Variants in ARHGEF16 observed in about 807,000 individuals in gnomAD.
ARHGEF16 encodes Rho guanine exchange factor (GEF) 16.
A neutral mutation model predicts 74.1 loss-of-function variants in ARHGEF16; 59 were observed. That is an observed-to-expected ratio of 0.80 (90% CI 0.65 to 0.99). The LOEUF (loss-of-function observed/expected upper bound fraction) is 0.99. Ranked by LOEUF, ARHGEF16 falls within the 50% of genes least tolerant of loss-of-function variation. ARHGEF16 has a pLI of 0.00. For missense variants in ARHGEF16, 948 were observed against 986.6 expected (o/e 0.96, Z 0.52); for synonymous variants, 415 against 412.6 (o/e 1.01, Z -0.07).
In ARHGEF16 at chr1:3,469,451, ACGT is replaced by A. The variant is rs1557692167; in HGVS notation, c.883_885del (p.Ser295del). The A allele has an allele frequency of 1.2e-6, 2 of 1,612,962 alleles. No individual in the cohort carries two copies. Among genetic ancestry groups the A allele is most frequent in the Non-Finnish European group, 1.7e-6 (2 of 1,179,962 alleles). On this transcript the variant is annotated inframe_deletion, in exon 6 of 15. Coordinates refer to ENST00000378378, the MANE Select transcript of ARHGEF16 (RefSeq NM_014448.4). ...TCCACAGGCCATGTTCGAGATCCTC[ACGT>A]CGGAGTTCTCCTACCAGCACAGCCT...
intron 10 of ARHGEF16, among the ~76,000 whole-genome samples, chr1:3,477,010 CCT>C (rs911050886): frequency 1.3e-5 from 2 of 152,044 alleles, no homozygotes; most frequent in South Asian, 2.1e-4. Context: ...CTGGTCCACC[CCT>C]GAGTGGGGCT....
intron 1 of ARHGEF16, among the ~76,000 whole-genome samples, chr1:3,462,508 G>A (rs1465587511): frequency 6.6e-6 from 1 of 152,206 alleles, no homozygotes; most frequent in Non-Finnish European, 1.5e-5. Context: ...CCCCAATGAG[G>A]CAGAGGCTGT....
At chr1:3,480,153 C>G (rs1344455303) in intron 14 of ARHGEF16, among the ~76,000 whole-genome samples, 1 of 152,216 alleles carries the variant, frequency 6.6e-6, no homozygotes, top group East Asian at 1.9e-4. Context: ...CAGGGGATCC[C>G]CGCTCAGCCA....
intron 11 of ARHGEF16, 36 bp downstream of exon 11, chr1:3,478,062 T>A: frequency 6.2e-7 from 1 of 1,612,014 alleles, no homozygotes. Flanking sequence ...GGAGCCCCAC[T>A]CCATGGACAC....
Position 3,463,280 on chromosome 1 carries a change from G to A in ARHGEF16, c.196G>A (p.Glu66Lys), listed in dbSNP as rs565613511. Residue 66 changes from glutamate (E) to lysine (K), a missense_variant, in exon 2 of 15, where the codon GAG (glutamate) becomes AAG (lysine). By Grantham distance (56) the Glu-to-Lys change is moderately conservative. Coordinates refer to ENST00000378378, the MANE Select transcript of ARHGEF16 (RefSeq NM_014448.4). ...CCCACAGCCTCGGCCCCCGGGGCAC[G>A]AGGAGCCATGGCCCATCGTCCTGAG... The part of the protein sequence containing the change: ...APPQPRPPGH[E>K]EPWPIVLSTE... 41 of 1,549,958 alleles carry A rather than the reference G, an allele frequency of 2.6e-5. No individual in the cohort carries two copies. The East Asian group carries it at 5.9e-4, about 22-fold the overall frequency.
In ARHGEF16 at chr1:3,479,891, C is replaced by T. The variant is rs752733906; in HGVS notation, c.1968C>T (p.Val656=). The part of the protein sequence containing the change: ...DEVTLQQADV[V]LVLQQEDGWL... The stretch of plus-strand genomic sequence containing the variant: ...TCACACTGCAGCAGGCGGACGTGGT[C>T]CTGGTTCTGCAGCAGGAGGATGGTG... The change falls in exon 14 of 15, where the codon GTC becomes GTT. Residue 656 remains valine, a synonymous_variant. Coordinates refer to ENST00000378378, the MANE Select transcript of ARHGEF16 (RefSeq NM_014448.4). The T allele has an allele frequency of 1.1e-5, 17 of 1,612,110 alleles. No homozygotes were observed. Among genetic ancestry groups the T allele is most frequent in the Non-Finnish European group, 1.4e-5 (16 of 1,179,888 alleles).
intron 2 of ARHGEF16, among the ~76,000 whole-genome samples, chr1:3,463,931 C>T (rs1436011635): frequency 6.6e-6 from 1 of 152,238 alleles, no homozygotes; most frequent in Non-Finnish European, 1.5e-5. Context: ...CCGCTCCCAG[C>T]CTTGGTGGAG....
At position 3,476,035 on chromosome 1, in the gene ARHGEF16, C is replaced by A; in HGVS notation, c.1446C>A (p.His482Gln). The A allele has an allele frequency of 6.4e-7, 1 of 1,555,612 alleles. No individual in the cohort carries two copies. Among genetic ancestry groups the A allele is most frequent in the Non-Finnish European group, 8.7e-7 (1 of 1,149,622 alleles). The change falls in exon 10 of 15, where the codon CAC becomes CAA. Residue 482 changes from histidine to glutamine, a missense_variant. By Grantham distance (24) the His-to-Gln change is conservative. Transcript: ENST00000378378. ...GCATGGAGCAGATGTACACGCTGCACACACAGCTGGACTTCAGCAAGGTCA... is the reference window on the plus strand; with the variant it reads ...GCATGGAGCAGATGTACACGCTGCAAACACAGCTGGACTTCAGCAAGGTCA... ...MERMEQMYTLHTQLDFSKVKS... is the reference protein window; with the variant it reads ...MERMEQMYTLQTQLDFSKVKS...
intron 11 of ARHGEF16, 60 bp downstream of exon 11, chr1:3,478,086 C>T: frequency 6.2e-7 from 1 of 1,608,146 alleles, no homozygotes; most frequent in African/African-American, 1.3e-5. Flanking sequence ...ACCGCTGGCC[C>T]TGGGGCAGGA....
In ARHGEF16 at chr1:3,463,634, CCCAG is replaced by C. The variant is rs1639464949; in HGVS notation, c.557_560del (p.Gln186LeufsTer38). On this transcript the variant is annotated frameshift_variant, in exon 2 of 15. Coordinates refer to ENST00000378378, the MANE Select transcript of ARHGEF16 (RefSeq NM_014448.4). LOFTEE classifies it high-confidence loss of function. ...TAAGCTCCAGGCTCTGGCTGAGGAA[CCCAG>C]CCAGCCTCATACTCGGAGCCCGGCC... 23 of 1,423,680 alleles carry C rather than the reference CCCAG, an allele frequency of 1.6e-5. No individual in the cohort carries two copies. Among genetic ancestry groups the C allele is most frequent in the Non-Finnish European group, 1.8e-5 (20 of 1,083,178 alleles). 88.2% of individuals were successfully genotyped at this position (1,423,680 alleles called of 1,614,324 possible).
chr1:3,455,838 C>T (rs937214761), intron 1 of ARHGEF16, among the ~76,000 whole-genome samples: 2 of 152,104 alleles, frequency 1.3e-5, no homozygotes, highest in African/African-American at 4.8e-5. Flanking sequence ...TTTCCTCATC[C>T]GTAAAATGGG....
chr1:3,466,343 G>A, intron 3 of ARHGEF16, 150 bp downstream of exon 3: 1 of 833,526 alleles, frequency 1.2e-6, no homozygotes, highest in Non-Finnish European at 1.8e-6. Context: ...AGGTCCCAGT[G>A]GCTGGTCTGT....
chr1:3,464,605 G>A (rs1299571393), intron 2 of ARHGEF16, among the ~76,000 whole-genome samples: 2 of 152,162 alleles, frequency 1.3e-5, no homozygotes, highest in African/African-American at 4.8e-5. Context: ...CCTTCTTGTT[G>A]GGCGCCTTGC....
In ARHGEF16 at chr1:3,469,424, T is replaced by C. The variant is rs1639641004; in HGVS notation, c.862-9T>C. On this transcript the variant is annotated splice_polypyrimidine_tract_variant and intron_variant, in intron 5 of 14. Transcript: ENST00000378378. ...TCACTGTGGGGCTCACCTAGGCCCC[T>C]CTCCACAGGCCATGTTCGAGATCCT... 2 of 1,612,578 alleles carry C rather than the reference T, an allele frequency of 1.2e-6. No individual in the cohort carries two copies. The highest frequency in any genetic ancestry group is 1.7e-6 in the Non-Finnish European group (2 of 1,179,820).
chr1:3,471,916 G>C (rs757101053), intron 6 of ARHGEF16: 4 of 803,270 alleles, frequency 5.0e-6, no homozygotes, highest in Non-Finnish European at 1.5e-6. Flanking sequence ...TCCAGCAACC[G>C]AGGCCTCCCA....
intron 8 of ARHGEF16, 118 bp from the exon 9 acceptor site, chr1:3,474,590 C>T (rs1639830204): frequency 2.2e-6 from 2 of 904,966 alleles, no homozygotes; most frequent in South Asian, 1.5e-5. Flanking sequence ...CCTGCAGGAG[C>T]CCCCTGGGGG....
intron 1 of ARHGEF16, among the ~76,000 whole-genome samples, chr1:3,457,840 T>TATACCATA (rs1639301691): frequency 6.6e-6 from 1 of 152,118 alleles, no homozygotes; most frequent in South Asian, 2.1e-4. Context: ...CTATATGTGT[T>TATACCATA]GGGGATACCA....
intron 11 of ARHGEF16, 37 bp from the exon 12 acceptor site, chr1:3,478,387 G>A (rs1381804753): frequency 6.4e-7 from 1 of 1,558,734 alleles, no homozygotes; most frequent in Non-Finnish European, 8.7e-7. Context: ...GTAGGAGCTG[G>A]GTGGGACCGT....
rs541630364 is a variant in ARHGEF16 at position 3,457,064 on chromosome 1, G to A, written c.-20+2253G>A. Among the ~76,000 whole-genome samples the A allele has an allele frequency of 5.3e-5, 8 of 152,368 alleles. No individual in the cohort carries two copies. The South Asian group carries it at 8.3e-4, about 16-fold the overall frequency. On this transcript the variant is annotated intron_variant, in intron 1 of 14. Coordinates refer to ENST00000378378, the MANE Select transcript of ARHGEF16 (RefSeq NM_014448.4). ...CTGACTACCAGCAGTGTCCCCAGACGTTGGCAAATGTGCCCTGGGGGCCAA... is the reference window on the plus strand; with the variant it reads ...CTGACTACCAGCAGTGTCCCCAGACATTGGCAAATGTGCCCTGGGGGCCAA...
Sources: gnomAD v4.1 joint callset for allele counts (sites outside exome capture counted in the v4.1 genomes callset) on GRCh38, gnomAD v4.1.1 for gene constraint, MANE v1.5 for transcripts, NCBI Gene and HGNC (gene_info 2026-07-23, HGNC 2026-07-21) for gene names.